The following NOL10 variants were observed in gnomAD, a reference collection of about 807,000 sequenced individuals.
NOL10 encodes H_NH0074G24.1.
In NOL10, 58 loss-of-function variants were observed where a neutral mutation model predicts 103.5. The observed-to-expected ratio is 0.56, with a 90% CI of 0.45 to 0.70. The LOEUF (loss-of-function observed/expected upper bound fraction) is 0.70, where lower values mean the gene tolerates loss of function less well. Ranked by LOEUF, NOL10 falls within the 30% of genes least tolerant of loss-of-function variation. NOL10 has a pLI of 0.00. For missense variants in NOL10, 763 were observed against 807.3 expected (o/e 0.95, Z 0.67); for synonymous variants, 287 against 282.5 (o/e 1.02, Z -0.16).
In NOL10 at chr2:10,644,328, A is replaced by G. The variant is rs952183446; in HGVS notation, c.1018T>C (p.Tyr340His). 13 of 1,534,284 alleles carry G rather than the reference A, an allele frequency of 8.5e-6. No homozygotes were observed. Among genetic ancestry groups the G allele is most frequent in the Non-Finnish European group, 1.1e-5 (13 of 1,141,310 alleles). Residue 340 changes from tyrosine (Y) to histidine (H), a missense_variant, in exon 13 of 21, where the codon TAC (tyrosine) becomes CAC (histidine). Physicochemically the swap from Tyr to His is moderately conservative, Grantham distance 83 (BLOSUM62 2). Coordinates refer to ENST00000381685, the MANE Select transcript of NOL10 (RefSeq NM_024894.4). ...CTCTTTGTATTACTTACTGGAATGT[A>G]ATAGATGCCCATCTTGGGGGTTTCA... Reference protein sequence around the residue: ...ANETPKMGIYYIPVLGPAPRW... With the variant: ...ANETPKMGIYHIPVLGPAPRW...
At chr2:10,586,936 C>T (rs942942257) in intron 19 of NOL10, among the ~76,000 whole-genome samples, 11 of 148,542 alleles carry the variant, frequency 7.4e-5, no homozygotes, top group African/African-American at 2.5e-4. Flanking sequence ...TCTAGGTTCT[C>T]AGTCACCAAG....
chr2:10,624,151 C>G (rs13035291), intron 13 of NOL10, among the ~76,000 whole-genome samples: 32,580 of 150,862 alleles, frequency 0.22, 4,561 homozygotes, highest in East Asian at 0.44. Flanking sequence ...AAGGTAATTT[C>G]TTTCTCCAGA....
At chr2:10,685,811 T>G (rs566844335) in intron 1 of NOL10, among the ~76,000 whole-genome samples, 1 of 151,798 alleles carries the variant, frequency 6.6e-6, no homozygotes, top group African/African-American at 2.4e-5. Flanking sequence ...CAGTGGTTCA[T>G]ATCTATAATC....
chr2:10,622,671 C>T (rs1416959421), intron 13 of NOL10, among the ~76,000 whole-genome samples: 1 of 152,086 alleles, frequency 6.6e-6, no homozygotes, highest in Non-Finnish European at 1.5e-5. Flanking sequence ...GCACTCAAGT[C>T]AGTACTAGTG....
At chr2:10,578,039 G>T (rs1674548963) in intron 19 of NOL10, among the ~76,000 whole-genome samples, 1 of 152,096 alleles carries the variant, frequency 6.6e-6, no homozygotes, top group Non-Finnish European at 1.5e-5. Context: ...TCATATTTCT[G>T]AAGACCAAAT....
intron 20 of NOL10, among the ~76,000 whole-genome samples, chr2:10,572,888 C>T (rs1674254144): frequency 6.6e-6 from 1 of 152,152 alleles, no homozygotes; most frequent in Admixed American, 6.5e-5. Context: ...CTCATTGGCT[C>T]ACATGGGAGC....
intron 4 of NOL10, 52 bp from the exon 5 acceptor site, chr2:10,673,609 AC>A: frequency 8.1e-7 from 1 of 1,231,356 alleles, no homozygotes; most frequent in Non-Finnish European, 1.2e-6. Flanking sequence ...ATTCTTAGTA[AC>A]AACGCAAACC....
intron 8 of NOL10, 61 bp from the exon 9 acceptor site, chr2:10,663,105 G>A: frequency 1.4e-6 from 2 of 1,396,032 alleles, no homozygotes; most frequent in Non-Finnish European, 1.0e-6. Flanking sequence ...GGTGGCTCAT[G>A]CCTGTAATCC....
chr2:10,685,875 C>T (rs375496778), intron 1 of NOL10, among the ~76,000 whole-genome samples: 83 of 103,780 alleles, frequency 8.0e-4, no homozygotes, highest in African/African-American at 2.2e-3. Context: ...ACCAGCCTGG[C>T]AATAAAGTGG....
chr2:10,597,015 G>A (rs1489394524), intron 17 of NOL10, among the ~76,000 whole-genome samples: 1 of 151,974 alleles, frequency 6.6e-6, no homozygotes, highest in Non-Finnish European at 1.5e-5. Context: ...TGTAGCCCAG[G>A]CTGCAGTACA....
At chr2:10,685,800 G>A (rs186451416) in intron 1 of NOL10, among the ~76,000 whole-genome samples, 6 of 152,072 alleles carry the variant, frequency 3.9e-5, no homozygotes, top group Admixed American at 3.9e-4. Flanking sequence ...TTGGCCAAGT[G>A]CAGTGGTTCA....
intron 17 of NOL10, among the ~76,000 whole-genome samples, chr2:10,593,069 T>TA (rs1205120852): frequency 1.3e-5 from 2 of 152,206 alleles, no homozygotes; most frequent in Non-Finnish European, 2.9e-5. Flanking sequence ...GGACGCCTAT[T>TA]ATTATTTTGT....
At chr2:10,601,659 A>G (rs921093190) in intron 16 of NOL10, among the ~76,000 whole-genome samples, 22 of 152,246 alleles carry the variant, frequency 1.4e-4, no homozygotes, top group Non-Finnish European at 1.8e-4. Flanking sequence ...TAAAACTACA[A>G]AAAATTAGTT....
At chr2:10,618,245 T>TTAA (rs1553302188) in intron 13 of NOL10, among the ~76,000 whole-genome samples, 4 of 150,774 alleles carry the variant, frequency 2.7e-5, no homozygotes, top group African/African-American at 9.8e-5. Flanking sequence ...GCTGTTTTTT[T>TTAA]AAAAAAAAAT....
At chr2:10,603,419 T>C (rs912085420) in intron 14 of NOL10, among the ~76,000 whole-genome samples, 1 of 152,194 alleles carries the variant, frequency 6.6e-6, no homozygotes, top group Admixed American at 6.5e-5. Flanking sequence ...GGTTCCCTTA[T>C]ACCCTCTGAG....
At chr2:10,602,326 T>C (rs1433023483) in intron 16 of NOL10, among the ~76,000 whole-genome samples, 1 of 152,240 alleles carries the variant, frequency 6.6e-6, no homozygotes, top group Non-Finnish European at 1.5e-5. Context: ...CAATACCAAG[T>C]TAATCATTCT....
chr2:10,655,996 TA>T (rs1000748753), intron 11 of NOL10, among the ~76,000 whole-genome samples: 2 of 152,202 alleles, frequency 1.3e-5, no homozygotes, highest in African/African-American at 2.4e-5. Context: ...AAAGGAATTA[TA>T]ATGGCACGGA....
At chr2:10,628,891 G>A (rs1677655466) in intron 13 of NOL10, among the ~76,000 whole-genome samples, 1 of 152,144 alleles carries the variant, frequency 6.6e-6, no homozygotes, top group African/African-American at 2.4e-5. Flanking sequence ...CATCACTGGA[G>A]CCATCCTAAA....
intron 3 of NOL10, 84 bp downstream of exon 3, chr2:10,681,887 T>A (rs2148363690): frequency 2.0e-6 from 1 of 511,790 alleles, no homozygotes; most frequent in East Asian, 3.5e-5. Context: ...AATAAAATAT[T>A]AGGGTTAAAA....
Sources: gnomAD v4.1 joint callset for allele counts (sites outside exome capture counted in the v4.1 genomes callset) on GRCh38, gnomAD v4.1.1 for gene constraint, MANE v1.5 for transcripts, NCBI Gene and HGNC (gene_info 2026-07-23, HGNC 2026-07-21) for gene names.